The following NHSL1 variants were observed in gnomAD, a reference collection of about 807,000 sequenced individuals.
NHSL1 encodes NHS-like protein 1.
A neutral mutation model predicts 95.0 loss-of-function variants in NHSL1; 48 were observed. The observed-to-expected ratio is 0.51, with a 90% confidence interval of 0.40 to 0.64. NHSL1 has a LOEUF of 0.64. NHSL1 is among the 30% of genes least tolerant of loss of function. The probability of loss-of-function intolerance (pLI) is 0.00; values close to 1 mark genes in which losing one functional copy is unlikely to be tolerated. For missense variants in NHSL1, 1,971 were observed against 2,077.7 expected (o/e 0.95, Z 1.00); for synonymous variants, 783 against 833.9 (o/e 0.94, Z 1.05).
chr6:138,454,921 A>T (rs1161163599), intron 3 of NHSL1, among the ~76,000 whole-genome samples: 5 of 152,252 alleles, frequency 3.3e-5, no homozygotes, highest in Admixed American at 3.3e-4. Flanking sequence ...TACTGGAAAC[A>T]CAGAGATCAA....
At chr6:138,452,976 C>CT (rs1285652589) in intron 3 of NHSL1, among the ~76,000 whole-genome samples, 1 of 152,064 alleles carries the variant, frequency 6.6e-6, no homozygotes, top group African/African-American at 2.4e-5. Flanking sequence ...ATTGTTCATT[C>CT]TTTTTTTCTT....
At chr6:138,564,834 G>C (rs972488678) in intron 1 of NHSL1, among the ~76,000 whole-genome samples, 1 of 152,170 alleles carries the variant, frequency 6.6e-6, no homozygotes, top group Non-Finnish European at 1.5e-5. Flanking sequence ...TGTTAGAGAA[G>C]ACTTCACAGA....
chr6:138,584,870 C>T (rs1784110343), intron 1 of NHSL1, among the ~76,000 whole-genome samples: 1 of 152,126 alleles, frequency 6.6e-6, no homozygotes, highest in East Asian at 1.9e-4. Flanking sequence ...CCTAATCGTC[C>T]TCCTCCCAGC....
chr6:138,584,152 C>A (rs1481469136), intron 1 of NHSL1, among the ~76,000 whole-genome samples: 1 of 152,090 alleles, frequency 6.6e-6, no homozygotes, highest in Non-Finnish European at 1.5e-5. Flanking sequence ...TATTAAAAAC[C>A]TTCCACTGAC....
chr6:138,447,112 G>C lies in NHSL1; in HGVS notation c.421C>G (p.Leu141Val). 1.3e-6 allele frequency: 2 copies of C among 1,551,766 alleles called. No individual in the cohort carries two copies. The highest frequency in any genetic ancestry group is 1.7e-6 in the Non-Finnish European group (2 of 1,146,976). The change falls in exon 4 of 8, where the codon CTT (leucine) becomes GTT (valine). Residue 141 changes from leucine to valine, a missense_variant. Physicochemically the swap from Leu to Val is conservative, Grantham distance 32. Around this residue, in one of 3 missense-constraint regions of NHSL1, gnomAD observed 1,602 missense variants for 1,654.5 expected, o/e 0.97. Coordinates refer to ENST00000343505, the MANE Select transcript of NHSL1 (RefSeq NM_001144060.2). ...TTGGTCCAGTTCGTCTGAGTATTAA[G>C]GTCGGAGAAGTCACTTGAGGCTGGT... is the stretch of plus-strand genomic sequence containing the variant. ...KTPASSDFSDLNTQTNWTKSL... is the reference protein window; with the variant it reads ...KTPASSDFSDVNTQTNWTKSL...
chr6:138,637,984 T>C lies in NHSL1; in HGVS notation c.96+54492A>G, dbSNP rs555315587. On this transcript the variant is annotated intron_variant, in intron 1 of 3. Transcript: ENST00000491526. ...TTGGAAGCAACCACAAATGAATGGA[T>C]TTTTAAAATGTAGTACTTATACACA... Among the ~76,000 whole-genome samples, 44 of 152,282 alleles carry C rather than the reference T, an allele frequency of 2.9e-4. No individual in the cohort carries two copies. The East Asian group carries it at 6.7e-3, about 23-fold the overall frequency.
chr6:138,538,208 T>G (rs1782437607), intron 1 of NHSL1, among the ~76,000 whole-genome samples: 1 of 152,088 alleles, frequency 6.6e-6, no homozygotes, highest in South Asian at 2.1e-4. Flanking sequence ...CCTCTTAAAA[T>G]TAGGAAAGGG....
chr6:138,624,287 ATTTCTAACAAGC>A (rs1784706507), intron 1 of NHSL1, among the ~76,000 whole-genome samples: 1 of 152,168 alleles, frequency 6.6e-6, no homozygotes, highest in African/African-American at 2.4e-5. Context: ...GAGCCTCCGC[ATTTCTAACAAGC>A]GTAGGTGACA....
rs1233390593 is a variant in NHSL1, at chr6:138,437,439, CACACACAA to C, written c.665-3767_665-3760del. On this transcript the variant is annotated intron_variant, in intron 5 of 7. Transcript: ENST00000343505. Reference sequence around the variant, plus strand: ...ACACACACACACACACACACACACACACACACAAAAAAAAAAAAAAAAAATACAATGCA... The same window carrying C: ...ACACACACACACACACACACACACACAAAAAAAAAAAAAAAATACAATGCA... 1.5e-3 allele frequency among the ~76,000 whole-genome samples: 50 copies of C among 33,792 alleles called. 3 individuals carry two copies. The highest frequency in any genetic ancestry group is 3.9e-3 in the African/African-American group (31 of 8,044). The allele number at this position is 33,792 out of a possible 152,430, so 22.2% of individuals were successfully genotyped here.
intron 5 of NHSL1, 57 bp downstream of exon 5, chr6:138,441,926 C>T (rs1776549163): frequency 8.8e-6 from 13 of 1,471,366 alleles, no homozygotes; most frequent in South Asian, 2.7e-5. Context: ...ATGAGGTTAG[C>T]GCAGTAAGGC....
chr6:138,596,816 GTC>G (rs1486581157), intron 1 of NHSL1, among the ~76,000 whole-genome samples: 1 of 152,078 alleles, frequency 6.6e-6, no homozygotes, highest in Admixed American at 6.6e-5. Context: ...CTTTAAAATA[GTC>G]TCTAGAGGCA....
At chr6:138,672,137 A>G (rs1172871797) in intron 1 of NHSL1, among the ~76,000 whole-genome samples, 2 of 152,216 alleles carry the variant, frequency 1.3e-5, no homozygotes, top group African/African-American at 2.4e-5. Context: ...GCTCATGCCC[A>G]GTGCTCGTGT....
intron 1 of NHSL1, among the ~76,000 whole-genome samples, chr6:138,631,534 A>C (rs1784819460): frequency 6.6e-6 from 1 of 152,188 alleles, no homozygotes; most frequent in Admixed American, 6.5e-5. Context: ...GCCACAGCAG[A>C]ATAGGGCAAC....
intron 1 of NHSL1, among the ~76,000 whole-genome samples, chr6:138,509,937 A>C (rs1271855168): frequency 6.6e-6 from 1 of 152,252 alleles, no homozygotes; most frequent in Non-Finnish European, 1.5e-5. Flanking sequence ...TATAACCAAA[A>C]GGTAAAGCCT....
At chr6:138,507,550 A>T (rs1435281124) in intron 1 of NHSL1, among the ~76,000 whole-genome samples, 1 of 152,208 alleles carries the variant, frequency 6.6e-6, no homozygotes, top group Non-Finnish European at 1.5e-5. Flanking sequence ...GTGTGATCTT[A>T]CACTTATGCT....
intron 2 of NHSL1, among the ~76,000 whole-genome samples, chr6:138,477,369 G>A (rs544775398): frequency 6.6e-6 from 1 of 152,222 alleles, no homozygotes; most frequent in Non-Finnish European, 1.5e-5. Flanking sequence ...GGAGGCCAAG[G>A]TGGGAGGATT....
At chr6:138,618,447 A>G (rs1784610538) in intron 1 of NHSL1, among the ~76,000 whole-genome samples, 3 of 152,214 alleles carry the variant, frequency 2.0e-5, no homozygotes, top group Admixed American at 2.0e-4. Flanking sequence ...ATCCAATCTA[A>G]AAGGGGAAGC....
intron 1 of NHSL1, among the ~76,000 whole-genome samples, chr6:138,612,465 A>G (rs1209587881): frequency 6.6e-6 from 1 of 152,240 alleles, no homozygotes; most frequent in African/African-American, 2.4e-5. Flanking sequence ...TTCAAGATAT[A>G]CTATTGTTAA....
intron 3 of NHSL1, among the ~76,000 whole-genome samples, chr6:138,455,166 T>C (rs887620167): frequency 2.0e-5 from 3 of 152,222 alleles, no homozygotes; most frequent in African/African-American, 7.2e-5. Flanking sequence ...ATTGACTCAT[T>C]TGTGTTTCTA....
Sources: allele counts gnomAD v4.1 joint callset (sites outside exome capture counted in the v4.1 genomes callset), GRCh38; gene constraint gnomAD v4.1.1; regional missense constraint gnomAD v4.1.1; transcripts MANE v1.5; gene names NCBI Gene and HGNC (gene_info 2026-07-23, HGNC 2026-07-21).